The following MACO1 variants were observed in gnomAD, a reference collection of about 807,000 sequenced individuals.
MACO1 encodes the protein macoilin 1.
Under a neutral mutation model 78.7 loss-of-function variants are expected in MACO1, and 14 were observed. The ratio of observed to expected loss-of-function variants is 0.18; its 90% CI spans 0.12 to 0.28. The LOEUF (loss-of-function observed/expected upper bound fraction) is 0.28. MACO1 is among the 10% of genes least tolerant of loss of function. The pLI is 1.00. For missense variants in MACO1, 501 were observed against 799.0 expected (o/e 0.63, Z 4.50); for synonymous variants, 288 against 291.6 (o/e 0.99, Z 0.12).
chr1:25,451,258 A>G (rs1009843668), intron 3 of MACO1, among the ~76,000 whole-genome samples: 6 of 152,196 alleles, frequency 3.9e-5, no homozygotes, highest in South Asian at 2.1e-4. Flanking sequence ...TTTCCTGACA[A>G]TATTAGGAAT....
intron 1 of MACO1, among the ~76,000 whole-genome samples, chr1:25,440,405 G>GGAA (rs1294124195): frequency 1.6e-5 from 2 of 124,580 alleles, no homozygotes; most frequent in South Asian, 5.6e-4. Flanking sequence ...CCAGTTCTGG[G>GGAA]AAAAAAAAAA....
At chr1:25,434,089 G>A (rs1479131094) in intron 1 of MACO1, among the ~76,000 whole-genome samples, 1 of 152,142 alleles carries the variant, frequency 6.6e-6, no homozygotes, top group Non-Finnish European at 1.5e-5. Context: ...TGGCTGTCTT[G>A]GAATTCTGTT....
intron 6 of MACO1, among the ~76,000 whole-genome samples, chr1:25,461,032 T>TA (rs1316696149): frequency 6.6e-6 from 1 of 151,804 alleles, no homozygotes; most frequent in Non-Finnish European, 1.5e-5. Context: ...TATGCAGCCA[T>TA]AAAAAATGAA....
chr1:25,492,410 AG>A lies in MACO1; in HGVS notation c.1792+828del, dbSNP rs1557677961. Among the ~76,000 whole-genome samples the A allele has an allele frequency of 2.6e-5, 4 of 152,112 alleles. No homozygotes were observed. In the South Asian group the frequency reaches 6.2e-4, roughly 24 times the overall value. ...GGCAATCATGGAAAATCCCTTGAGTAGGTAGTATTTGAGCAGAGACCCAAAG... is the reference window on the plus strand; with the variant it reads ...GGCAATCATGGAAAATCCCTTGAGTAGTAGTATTTGAGCAGAGACCCAAAG... On this transcript the variant is annotated intron_variant, in intron 10 of 10. Transcript: ENST00000374343.
chr1:25,451,608 G>A (rs1440612824), intron 3 of MACO1, among the ~76,000 whole-genome samples: 1 of 152,016 alleles, frequency 6.6e-6, no homozygotes, highest in African/African-American at 2.4e-5. Context: ...CCTACATTGT[G>A]AAAATACCTA....
At chr1:25,448,598 G>A (rs1378840015) in intron 2 of MACO1, among the ~76,000 whole-genome samples, 1 of 152,120 alleles carries the variant, frequency 6.6e-6, no homozygotes, top group Non-Finnish European at 1.5e-5. Context: ...GGACCATAAA[G>A]TACTAGTATT....
chr1:25,437,889 C>T (rs1462935334), intron 1 of MACO1, among the ~76,000 whole-genome samples: 1 of 152,050 alleles, frequency 6.6e-6, no homozygotes, highest in Non-Finnish European at 1.5e-5. Flanking sequence ...TCACTACACT[C>T]CAGCCTGGGC....
At chr1:25,486,045 G>C (rs1186671298) in intron 8 of MACO1, among the ~76,000 whole-genome samples, 1 of 152,110 alleles carries the variant, frequency 6.6e-6, no homozygotes, top group Non-Finnish European at 1.5e-5. Flanking sequence ...CCCATACCTG[G>C]GAGGCAAAGT....
At chr1:25,452,806 C>T (rs181926618) in intron 3 of MACO1, among the ~76,000 whole-genome samples, 3 of 151,550 alleles carry the variant, frequency 2.0e-5, no homozygotes, top group African/African-American at 7.3e-5. Flanking sequence ...AAGCAATTCC[C>T]TTGCCTCAGC....
chr1:25,477,307 A>G (rs997959100), intron 6 of MACO1, among the ~76,000 whole-genome samples: 9 of 152,224 alleles, frequency 5.9e-5, no homozygotes, highest in African/African-American at 2.2e-4. Context: ...ACATAGTAAA[A>G]GGCAGAAAAT....
chr1:25,433,332 C>A (rs2124564802), intron 1 of MACO1, among the ~76,000 whole-genome samples: 1 of 151,870 alleles, frequency 6.6e-6, no homozygotes, highest in Admixed American at 6.6e-5. Flanking sequence ...ATTTCTAAAG[C>A]AAACAGGATG....
chr1:25,440,767 CAAAA>C (rs71815906), intron 1 of MACO1, among the ~76,000 whole-genome samples: 8 of 107,100 alleles, frequency 7.5e-5, no homozygotes, highest in Admixed American at 9.5e-5. Flanking sequence ...GACTCCATCT[CAAAA>C]AAAAAAAAAA....
rs952550388 is a variant in MACO1, at chr1:25,430,935, C to A, written c.-164C>A. Reference sequence around the variant, plus strand: ...TTCCGAAGGCGGAGGAGGCTCCGAGCCCCCCCTCCCCGTGCTACCCCCTCC... The same window carrying A: ...TTCCGAAGGCGGAGGAGGCTCCGAGACCCCCCTCCCCGTGCTACCCCCTCC... On this transcript the variant is annotated 5_prime_UTR_variant, in exon 1 of 11. Coordinates refer to ENST00000374343, the MANE Select transcript of MACO1 (RefSeq NM_018202.6). 8.9e-6 allele frequency: 4 copies of A among 447,110 alleles called. No homozygotes were observed. Among genetic ancestry groups the A allele is most frequent in the Non-Finnish European group, 8.0e-6 (2 of 250,762 alleles). 27.7% of individuals were successfully genotyped at this position (447,110 alleles called of 1,614,324 possible).
At chr1:25,490,375 A>G (rs185219826) in intron 9 of MACO1, among the ~76,000 whole-genome samples, 178 of 152,352 alleles carry the variant, frequency 1.2e-3, no homozygotes, top group African/African-American at 3.8e-3. Flanking sequence ...AAACTCACCA[A>G]TCATCAAAGA....
rs1163811275 is a variant in MACO1 at position 25,458,830 on chromosome 1, C to T, written c.1092C>T (p.His364=). ...QKCTSKSPST[H]KDLMENCIPN... is the part of the protein sequence containing the mutation. ...GCACTAGCAAGAGCCCAAGTACACA[C>T]AAGGACTTAATGGAAAACTGTATTC... is the stretch of plus-strand genomic sequence containing the variant. Residue 364 remains histidine, a synonymous_variant, in exon 6 of 11, where the codon CAC becomes CAT. Coordinates refer to ENST00000374343, the MANE Select transcript of MACO1 (RefSeq NM_018202.6). The T allele has an allele frequency of 1.1e-5, 17 of 1,614,024 alleles. No homozygotes were observed. Among genetic ancestry groups the T allele is most frequent in the Non-Finnish European group, 1.4e-5 (16 of 1,180,032 alleles).
rs1481197554 is a variant in MACO1, at chr1:25,498,358, C to T, written c.1887C>T (p.Ala629=). The T allele has an allele frequency of 1.2e-6, 2 of 1,614,030 alleles. No individual in the cohort carries two copies. The highest frequency in any genetic ancestry group is 1.3e-5 in the African/African-American group (1 of 74,898). ...TGCCCAGCATAACATACAGTGCCGC[C>T]ACCAGCCCCCTGAGCCCTGTTTCCC... ...AVMPSITYSA[A]TSPLSPVSPH... The change falls in exon 11 of 11, where the codon GCC becomes GCT. Residue 629 remains alanine (A), a synonymous_variant. Transcript: ENST00000374343.
At chr1:25,489,046 C>G in intron 8 of MACO1, 127 bp from the exon 9 acceptor site, 1 of 1,223,710 alleles carries the variant, frequency 8.2e-7, no homozygotes, top group Non-Finnish European at 1.1e-6. Flanking sequence ...GTCTCGAACC[C>G]CTGACCTCAA....
chr1:25,458,678 T>C lies in MACO1; in HGVS notation c.940T>C (p.Ser314Pro). ...GSTENLLKED[S>P]CTASSKNYKN... is the part of the protein sequence containing the mutation. ...TACAGAAAATCTCTTGAAAGAGGACTCATGCACTGCTTCCTCAAAAAATTA... is the reference window on the plus strand; with the variant it reads ...TACAGAAAATCTCTTGAAAGAGGACCCATGCACTGCTTCCTCAAAAAATTA... The change falls in exon 6 of 11, where the codon TCA becomes CCA. Residue 314 changes from serine to proline, a missense_variant. By Grantham distance (74) the Ser-to-Pro change is moderately conservative. Around this residue, in one of 5 missense-constraint regions of MACO1, gnomAD observed 90 missense variants for 85.7 expected, o/e 1.05. Coordinates refer to ENST00000374343, the MANE Select transcript of MACO1 (RefSeq NM_018202.6). The C allele has an allele frequency of 1.2e-6, 2 of 1,614,178 alleles. No individual in the cohort carries two copies. Among genetic ancestry groups the C allele is most frequent in the Non-Finnish European group, 1.7e-6 (2 of 1,180,022 alleles).
chr1:25,485,350 A>G lies in MACO1; in HGVS notation c.1314-263A>G, dbSNP rs80109551. On this transcript the variant is annotated intron_variant, in intron 7 of 10. Coordinates refer to ENST00000374343, the MANE Select transcript of MACO1 (RefSeq NM_018202.6). The surrounding 1 kb of genome is among the most constrained non-coding windows in gnomAD (Gnocchi z 4.3). ...AAATTTGTTTTACCCTGTTTTCTGG[A>G]TGACCTTTTGTAGATCACTTACTTG... Among the ~76,000 whole-genome samples the G allele has an allele frequency of 5.3e-3, 806 of 152,276 alleles. 6 individuals carry two copies. The highest frequency in any genetic ancestry group is 0.018 in the African/African-American group (745 of 41,544).
Sources: gnomAD v4.1 joint callset for allele counts (sites outside exome capture counted in the v4.1 genomes callset) on GRCh38, gnomAD v4.1.1 for gene constraint, gnomAD v4.1.1 regional missense constraint, Gnocchi (gnomAD v3.1) non-coding constraint, MANE v1.5 for transcripts, NCBI Gene and HGNC (gene_info 2026-07-23, HGNC 2026-07-21) for gene names.